JMJD1C: variants seen among roughly 807,000 people sequenced by gnomAD.
The protein encoded by JMJD1C is jumonji domain containing 1C.
Under a neutral mutation model 245.3 loss-of-function variants are expected in JMJD1C, and 31 were observed. That is an observed-to-expected ratio of 0.13 (90% CI 0.09 to 0.17). The LOEUF (loss-of-function observed/expected upper bound fraction) is 0.17. JMJD1C is among the 10% of genes least tolerant of loss of function. JMJD1C has a pLI of 1.00. For missense variants in JMJD1C, 2,691 were observed against 3,000.2 expected, an observed-to-expected ratio of 0.90 and a Z score of 2.41; for synonymous variants, 1,057 against 1,017.4, an observed-to-expected ratio of 1.04 and a Z score of -0.74.
chr10:63,276,012 C>G (rs1334315113), intron 2 of JMJD1C, among the ~76,000 whole-genome samples: 1 of 152,092 alleles, frequency 6.6e-6, no homozygotes, highest in Non-Finnish European at 1.5e-5. Context: ...AAGCTGCTTG[C>G]AATTTTGTAT....
At chr10:63,443,344 C>T (rs1285611808) in intron 1 of JMJD1C, among the ~76,000 whole-genome samples, 1 of 152,124 alleles carries the variant, frequency 6.6e-6, no homozygotes, top group Non-Finnish European at 1.5e-5. Flanking sequence ...CAGGGTCTGA[C>T]TCTGTCACCC....
upstream of JMJD1C, among the ~76,000 whole-genome samples, chr10:63,467,065 T>G (rs1403834478): frequency 6.6e-6 from 1 of 152,072 alleles, no homozygotes; most frequent in Non-Finnish European, 1.5e-5. Flanking sequence ...AAAATAACTA[T>G]AAGGCTTTTA....
intron 16 of JMJD1C, among the ~76,000 whole-genome samples, chr10:63,191,713 G>A (rs971326223): frequency 2.0e-4 from 30 of 152,048 alleles, no homozygotes; most frequent in Admixed American, 1.6e-3. Flanking sequence ...GGCCGGGCGC[G>A]GTGGCTCATA....
intron 3 of JMJD1C, among the ~76,000 whole-genome samples, chr10:63,231,765 G>A (rs747370581): frequency 4.6e-5 from 7 of 152,156 alleles, no homozygotes; most frequent in Non-Finnish European, 1.0e-4. Flanking sequence ...TTGTATTCCA[G>A]CCTAGGCGAC....
At chr10:63,230,699 C>T (rs976482722) in intron 3 of JMJD1C, among the ~76,000 whole-genome samples, 8 of 151,722 alleles carry the variant, frequency 5.3e-5, no homozygotes, top group African/African-American at 1.9e-4. Flanking sequence ...CACTTGAACC[C>T]AGCAAGCAGA....
At chr10:63,234,493 T>TAAAAAAAAAAAAAAAAAAAAAAA (rs71025129) in intron 3 of JMJD1C, among the ~76,000 whole-genome samples, 11 of 37,036 alleles carry the variant, frequency 3.0e-4, no homozygotes, top group East Asian at 9.3e-4. Context: ...AACCTCCTCT[T>TAAAAAAAAAAAAAAAAAAAAAAA]AAAAAAAAAA....
intron 13 of JMJD1C, 55 bp from the exon 14 acceptor site, chr10:63,194,430 A>G (rs1845209963): frequency 8.4e-7 from 1 of 1,189,028 alleles, no homozygotes; most frequent in East Asian, 2.3e-5. Context: ...TTATAAATTG[A>G]TAGTGTAAAG....
chr10:63,339,507 G>C (rs1943175313), intron 2 of JMJD1C, among the ~76,000 whole-genome samples: 1 of 152,218 alleles, frequency 6.6e-6, no homozygotes, highest in African/African-American at 2.4e-5. Flanking sequence ...TTGAGGCCAG[G>C]TGTGCTGGCT....
At chr10:63,394,899 G>A (rs944198644) in intron 1 of JMJD1C, among the ~76,000 whole-genome samples, 3 of 150,166 alleles carry the variant, frequency 2.0e-5, no homozygotes, top group Admixed American at 6.6e-5. Flanking sequence ...GTTTTACTCT[G>A]TGAAAATCAA....
At chr10:63,353,773 T>A (rs941648191) in intron 2 of JMJD1C, among the ~76,000 whole-genome samples, 3 of 152,014 alleles carry the variant, frequency 2.0e-5, no homozygotes, top group Admixed American at 2.0e-4. Context: ...TCCCAAGCGC[T>A]GGGATTACAG....
At position 63,183,545 on chromosome 10, in the gene JMJD1C, T is replaced by C; in HGVS notation, c.6986A>G (p.Asp2329Gly). 1.3e-6 allele frequency: 2 copies of C among 1,597,904 alleles called. No individual in the cohort carries two copies. The highest frequency in any genetic ancestry group is 1.7e-6 in the Non-Finnish European group (2 of 1,170,688). ...AYGVVAAKDHDIGTTNLHIEV... is the reference protein window; with the variant it reads ...AYGVVAAKDHGIGTTNLHIEV... Reference sequence around the variant, plus strand: ...AATATGGAGATTTGTTGTTCCTATATCATGATCTTTAGCAGCAACTACACC... The same window carrying C: ...AATATGGAGATTTGTTGTTCCTATACCATGATCTTTAGCAGCAACTACACC... Residue 2329 changes from aspartate (D) to glycine (G), a missense_variant, in exon 22 of 26, where the codon GAT becomes GGT. Transcript: ENST00000399262.
chr10:63,306,474 A>G (rs1938252290), intron 2 of JMJD1C, among the ~76,000 whole-genome samples: 1 of 152,190 alleles, frequency 6.6e-6, no homozygotes, highest in Non-Finnish European at 1.5e-5. Context: ...GTAACCCACA[A>G]TTTTGAAGGC....
intron 8 of JMJD1C, among the ~76,000 whole-genome samples, chr10:63,210,360 A>C (rs1306984801): frequency 6.6e-6 from 1 of 152,142 alleles, no homozygotes; most frequent in Non-Finnish European, 1.5e-5. Flanking sequence ...TTTCCTCAAA[A>C]TGTTATTCAA....
At chr10:63,514,337 C>T (rs1954954698) in intron 1 of JMJD1C, among the ~76,000 whole-genome samples, 1 of 152,132 alleles carries the variant, frequency 6.6e-6, no homozygotes, top group Non-Finnish European at 1.5e-5. Flanking sequence ...ACATATTGAT[C>T]ACAGCACTAT....
At chr10:63,465,427 T>C (rs1953156712) in intron 1 of JMJD1C, 68 bp downstream of exon 1, 11 of 1,450,968 alleles carry the variant, frequency 7.6e-6, no homozygotes, top group Non-Finnish European at 1.0e-5. Flanking sequence ...GAGGGAAGCC[T>C]GCAAGGTACG....
intron 1 of JMJD1C, among the ~76,000 whole-genome samples, chr10:63,384,796 A>G (rs1214020338): frequency 1.3e-5 from 2 of 152,210 alleles, no homozygotes; most frequent in East Asian, 1.9e-4. Flanking sequence ...AGGCTTCTCC[A>G]TATCAGCAAT....
At chr10:63,485,897 T>C (rs931289044) in intron 1 of JMJD1C, among the ~76,000 whole-genome samples, 6 of 152,094 alleles carry the variant, frequency 3.9e-5, no homozygotes, top group East Asian at 1.9e-4. Flanking sequence ...TCCCACCAAG[T>C]TGACAGCACA....
At chr10:63,438,878 T>C (rs1951205236) in intron 1 of JMJD1C, among the ~76,000 whole-genome samples, 1 of 152,178 alleles carries the variant, frequency 6.6e-6, no homozygotes, top group Non-Finnish European at 1.5e-5. Context: ...TTCATGCTTT[T>C]ATTTTCTTTC....
chr10:63,416,984 T>G (rs1431068769), intron 1 of JMJD1C, among the ~76,000 whole-genome samples: 1 of 152,204 alleles, frequency 6.6e-6, no homozygotes, highest in African/African-American at 2.4e-5. Flanking sequence ...AGTGGGTCAC[T>G]AAGAATACAG....
Sources: gnomAD v4.1 joint callset for allele counts (sites outside exome capture counted in the v4.1 genomes callset) on GRCh38, gnomAD v4.1.1 for gene constraint, MANE v1.5 for transcripts, NCBI Gene and HGNC (gene_info 2026-07-23, HGNC 2026-07-21) for gene names.